KCNH7: variants seen among roughly 807,000 people sequenced by gnomAD.
KCNH7 encodes the protein potassium voltage-gated channel subfamily H member 7.
A neutral mutation model predicts 120.8 loss-of-function variants in KCNH7; 49 were observed. The ratio of observed to expected loss-of-function variants is 0.41; its 90% CI spans 0.32 to 0.51. The LOEUF (loss-of-function observed/expected upper bound fraction) is 0.51. Ranked by LOEUF, KCNH7 falls within the 20% of genes least tolerant of loss-of-function variation. KCNH7 has a pLI of 0.38. For synonymous variants in KCNH7, 547 were observed against 516.1 expected (o/e 1.06, Z -0.81); for missense variants, 1,097 against 1,446.6 (o/e 0.76, Z 3.92).
At chr2:162,475,946 G>A (rs1211870322) in intron 6 of KCNH7, among the ~76,000 whole-genome samples, 1 of 152,218 alleles carries the variant, frequency 6.6e-6, no homozygotes, top group Non-Finnish European at 1.5e-5. Flanking sequence ...TAGTTTGTAT[G>A]AACACTGAAA....
intron 12 of KCNH7, among the ~76,000 whole-genome samples, chr2:162,387,809 A>C (rs1343233093): frequency 6.6e-6 from 1 of 151,832 alleles, no homozygotes; most frequent in African/African-American, 2.4e-5. Context: ...TGACCCATTT[A>C]TCTTAAGAAT....
chr2:162,595,299 A>G (rs933444675), intron 2 of KCNH7, among the ~76,000 whole-genome samples: 1 of 152,014 alleles, frequency 6.6e-6, no homozygotes, highest in Non-Finnish European at 1.5e-5. Context: ...ACTCACTATC[A>G]CAAGAACAGC....
At chr2:162,723,271 C>T (rs1687395423) in intron 2 of KCNH7, among the ~76,000 whole-genome samples, 1 of 152,008 alleles carries the variant, frequency 6.6e-6, no homozygotes, top group African/African-American at 2.4e-5. Flanking sequence ...TAGTCTTTTA[C>T]AGGAGAAAAC....
At chr2:162,527,529 G>A (rs1691751953) in intron 3 of KCNH7, among the ~76,000 whole-genome samples, 1 of 151,932 alleles carries the variant, frequency 6.6e-6, no homozygotes. Context: ...TAGCTATTGA[G>A]GCAAATGTGT....
chr2:162,625,831 G>A (rs777402298), intron 2 of KCNH7, among the ~76,000 whole-genome samples: 1 of 152,146 alleles, frequency 6.6e-6, no homozygotes, highest in Non-Finnish European at 1.5e-5. Context: ...GATATAGATT[G>A]AGATGTGTGT....
At chr2:162,475,782 A>G (rs1043707167) in intron 6 of KCNH7, among the ~76,000 whole-genome samples, 2 of 152,198 alleles carry the variant, frequency 1.3e-5, no homozygotes, top group African/African-American at 2.4e-5. Context: ...CTCATGAGTC[A>G]TGGGCTGTGT....
intron 6 of KCNH7, among the ~76,000 whole-genome samples, chr2:162,499,327 C>T (rs931925470): frequency 6.6e-6 from 1 of 151,966 alleles, no homozygotes; most frequent in African/African-American, 2.4e-5. Context: ...TGTTCTCCGC[C>T]CAAATTTTCT....
chr2:162,775,865 T>A (rs1442103258), intron 2 of KCNH7, among the ~76,000 whole-genome samples: 1 of 152,184 alleles, frequency 6.6e-6, no homozygotes, highest in Non-Finnish European at 1.5e-5. Flanking sequence ...ACAGTGTGGA[T>A]GCCAGTTTTA....
chr2:162,742,171 G>A (rs1371137404), intron 2 of KCNH7, among the ~76,000 whole-genome samples: 1 of 152,204 alleles, frequency 6.6e-6, no homozygotes, highest in Non-Finnish European at 1.5e-5. Flanking sequence ...TAACCCAGAA[G>A]TAGGAGTGGT....
chr2:162,739,800 C>T (rs1688056436), intron 2 of KCNH7, among the ~76,000 whole-genome samples: 1 of 152,114 alleles, frequency 6.6e-6, no homozygotes, highest in East Asian at 1.9e-4. Flanking sequence ...GGTCAATAGC[C>T]ACATTGAAAG....
chr2:162,706,210 G>T (rs1686696713), intron 2 of KCNH7, among the ~76,000 whole-genome samples: 1 of 152,158 alleles, frequency 6.6e-6, no homozygotes, highest in Admixed American at 6.6e-5. Flanking sequence ...CTTACTTAAA[G>T]TTCCCCCTTT....
chr2:162,739,851 A>G (rs1688057868), intron 2 of KCNH7, among the ~76,000 whole-genome samples: 1 of 152,174 alleles, frequency 6.6e-6, no homozygotes, highest in Admixed American at 6.5e-5. Context: ...CACATCAATG[A>G]GATATGGATA....
chr2:162,528,608 CA>C (rs1691797376), intron 3 of KCNH7, among the ~76,000 whole-genome samples: 1 of 151,924 alleles, frequency 6.6e-6, no homozygotes, highest in South Asian at 2.1e-4. Context: ...GAAGAAGTAT[CA>C]GAAGCTATAT....
intron 2 of KCNH7, among the ~76,000 whole-genome samples, chr2:162,750,567 G>A (rs891153125): frequency 6.6e-6 from 1 of 151,946 alleles, no homozygotes; most frequent in Admixed American, 6.6e-5. Flanking sequence ...CCAAGTTAAG[G>A]TTATATTTAA....
chr2:162,433,658 C>T (rs1355316433), intron 8 of KCNH7, among the ~76,000 whole-genome samples: 2 of 151,948 alleles, frequency 1.3e-5, no homozygotes, highest in African/African-American at 2.4e-5. Context: ...GAATGTAAGA[C>T]CTCAAACCAT....
intron 6 of KCNH7, among the ~76,000 whole-genome samples, chr2:162,448,250 A>G (rs935954736): frequency 6.6e-6 from 1 of 152,132 alleles, no homozygotes; most frequent in African/African-American, 2.4e-5. Flanking sequence ...CTTAGTATAG[A>G]GAACCAGTGT....
chr2:162,439,771 T>C (rs1289459314), intron 7 of KCNH7, among the ~76,000 whole-genome samples: 4 of 151,964 alleles, frequency 2.6e-5, no homozygotes, highest in Non-Finnish European at 4.4e-5. Flanking sequence ...CTTCTTATAT[T>C]GAGGTAGAAG....
chr2:162,758,828 C>T (rs1400836352), intron 2 of KCNH7, among the ~76,000 whole-genome samples: 1 of 152,120 alleles, frequency 6.6e-6, no homozygotes, highest in Non-Finnish European at 1.5e-5. Context: ...AACAACTTTA[C>T]TGCCTTTTAG....
At chr2:162,538,391 C>T (rs545039609) in intron 2 of KCNH7, among the ~76,000 whole-genome samples, 180 of 151,994 alleles carry the variant, frequency 1.2e-3, no homozygotes, top group African/African-American at 4.0e-3. Flanking sequence ...TAGCTGAGAC[C>T]ACCTTGAATC....
Sources: gnomAD v4.1 joint callset for allele counts (sites outside exome capture counted in the v4.1 genomes callset) on GRCh38, gnomAD v4.1.1 for gene constraint, MANE v1.5 for transcripts, NCBI Gene and HGNC (gene_info 2026-07-23, HGNC 2026-07-21) for gene names.